Variants in RGS6 observed in about 807,000 individuals in gnomAD.
RGS6 encodes the protein regulator of G protein signaling 6.
A neutral mutation model predicts 78.5 loss-of-function variants in RGS6; 30 were observed. The ratio of observed to expected loss-of-function variants is 0.38; its 90% confidence interval spans 0.29 to 0.52. The LOEUF (loss-of-function observed/expected upper bound fraction) is 0.52, where lower values mean the gene tolerates loss of function less well. RGS6 is among the 20% of genes least tolerant of loss of function. The pLI is 0.85. For missense variants in RGS6, 495 were observed against 609.7 expected (o/e 0.81, Z 1.98); for synonymous variants, 206 against 206.0 (o/e 1.00, Z 0.00).
At chr14:72,167,386 A>G (rs564342190) in intron 2 of RGS6, among the ~76,000 whole-genome samples, 6 of 152,194 alleles carry the variant, frequency 3.9e-5, no homozygotes, top group South Asian at 2.1e-4. Context: ...GTGACATCTC[A>G]TTATCTTTGT....
chr14:72,488,275 T>C (rs2096526005), intron 12 of RGS6, among the ~76,000 whole-genome samples: 1 of 152,252 alleles, frequency 6.6e-6, no homozygotes, highest in Non-Finnish European at 1.5e-5. Flanking sequence ...CGTGTTCCTC[T>C]ATAGCATGTC....
intron 5 of RGS6, 117 bp from the exon 6 acceptor site, chr14:72,459,515 G>A: frequency 3.4e-6 from 3 of 877,894 alleles, no homozygotes; most frequent in Admixed American, 2.0e-5. Context: ...TTGTGGGGTA[G>A]CATCAGCAAG....
At chr14:72,214,801 A>T (rs2045157024) in intron 2 of RGS6, among the ~76,000 whole-genome samples, 1 of 152,170 alleles carries the variant, frequency 6.6e-6, no homozygotes, top group Admixed American at 6.5e-5. Flanking sequence ...TCTTAAAAAA[A>T]CATGGGGAGT....
chr14:72,416,517 C>G (rs2093820547), intron 3 of RGS6, among the ~76,000 whole-genome samples: 1 of 152,108 alleles, frequency 6.6e-6, no homozygotes, highest in Non-Finnish European at 1.5e-5. Flanking sequence ...AAAACTAAAA[C>G]TATAAAGTGA....
intron 2 of RGS6, among the ~76,000 whole-genome samples, chr14:72,232,712 T>C (rs932786051): frequency 1.3e-5 from 2 of 152,102 alleles, no homozygotes; most frequent in Non-Finnish European, 2.9e-5. Context: ...GGGGACCTTA[T>C]TGACCATGGG....
chr14:72,576,043 C>A, the RGS6 span, among the ~76,000 whole-genome samples: 6 of 152,220 alleles, frequency 3.9e-5, 1 homozygote, highest in South Asian at 1.2e-3. Context: ...TCTGAGGCTG[C>A]AGCCATTTGG....
At chr14:72,408,287 T>C (rs1242823989) in intron 3 of RGS6, among the ~76,000 whole-genome samples, 1 of 152,202 alleles carries the variant, frequency 6.6e-6, no homozygotes, top group Non-Finnish European at 1.5e-5. Flanking sequence ...CAAATTCTAC[T>C]AGTTTTTCCA....
intron 2 of RGS6, among the ~76,000 whole-genome samples, chr14:72,099,016 A>T (rs757723189): frequency 5.9e-5 from 9 of 152,182 alleles, no homozygotes; most frequent in Non-Finnish European, 1.3e-4. Flanking sequence ...TGGCTTTTTC[A>T]TGATTTGATT....
chr14:72,034,043 T>C (rs2091318189), intron 2 of RGS6, among the ~76,000 whole-genome samples: 2 of 152,208 alleles, frequency 1.3e-5, no homozygotes, highest in Admixed American at 6.5e-5. Flanking sequence ...TCGTTAGCCA[T>C]TTATAGTATA....
chr14:72,484,537 T>TG (rs1430956608), intron 12 of RGS6, among the ~76,000 whole-genome samples: 1 of 152,180 alleles, frequency 6.6e-6, no homozygotes, highest in African/African-American at 2.4e-5. Context: ...GGTTTTTTTT[T>TG]GGTGGGGGGC....
At chr14:72,596,735 A>C in the RGS6 span, among the ~76,000 whole-genome samples, 18 of 152,346 alleles carry the variant, frequency 1.2e-4, 1 homozygote, top group African/African-American at 4.1e-4. Context: ...CACTCTGATA[A>C]GCACTCATCG....
Position 72,352,192 on chromosome 14 carries a change from C to T in RGS6, c.182C>T (p.Thr61Ile). The change falls in exon 3 of 18, where the codon ACA (threonine) becomes ATA (isoleucine). Residue 61 changes from threonine (T) to isoleucine (I), a missense_variant and splice_region_variant. Transcript: ENST00000553525. The stretch of plus-strand genomic sequence containing the variant: ...CTCTCCAAAATCCCCAGTGTCGTCA[C>T]AGGTAACACCCTCCTTGCAAGGTGT... ...SFLSKIPSVV[T>I]GTDIVQWLMK... is the part of the protein sequence containing the mutation. 8.7e-6 allele frequency: 14 copies of T among 1,611,198 alleles called. No individual in the cohort carries two copies. Among genetic ancestry groups the T allele is most frequent in the Non-Finnish European group, 1.1e-5 (13 of 1,177,836 alleles).
chr14:72,366,785 C>T (rs924932023), intron 3 of RGS6, among the ~76,000 whole-genome samples: 5 of 152,158 alleles, frequency 3.3e-5, no homozygotes, highest in South Asian at 2.1e-4. Flanking sequence ...CTATCCACGC[C>T]CCACCTGCCC....
chr14:72,453,654 C>A (rs1392140608), intron 3 of RGS6, among the ~76,000 whole-genome samples: 5 of 144,718 alleles, frequency 3.5e-5, no homozygotes, highest in Non-Finnish European at 6.0e-5. Context: ...CCTTCAGACT[C>A]TTAAGATTTA....
intron 17 of RGS6, chr14:72,550,821 GT>G (rs758860266): frequency 2.1e-4 from 102 of 496,382 alleles, no homozygotes; most frequent in Non-Finnish European, 3.1e-4. Flanking sequence ...GCTTTTTGTT[GT>G]TGTTTTGGTT....
intron 2 of RGS6, among the ~76,000 whole-genome samples, chr14:72,179,937 C>A (rs1001318417): frequency 1.4e-4 from 22 of 152,272 alleles, no homozygotes; most frequent in Admixed American, 4.6e-4. Flanking sequence ...GTTTAAGGAT[C>A]ACAACAAATC....
intron 3 of RGS6, among the ~76,000 whole-genome samples, chr14:72,380,099 A>C (rs1034556893): frequency 6.6e-6 from 1 of 151,920 alleles, no homozygotes; most frequent in Non-Finnish European, 1.5e-5. Flanking sequence ...AATGGTCCCC[A>C]AAAAATCAGA....
chr14:71,996,896 A>G (rs972380099), intron 2 of RGS6, among the ~76,000 whole-genome samples: 4 of 152,170 alleles, frequency 2.6e-5, no homozygotes, highest in Non-Finnish European at 5.9e-5. Flanking sequence ...GTTAGCTTGT[A>G]TGGTGGGTGG....
chr14:71,941,339 T>C (rs969163800), intron 1 of RGS6, among the ~76,000 whole-genome samples: 7 of 152,154 alleles, frequency 4.6e-5, no homozygotes, highest in African/African-American at 1.4e-4. Flanking sequence ...CTTAGCATTT[T>C]TGGGTCTAAT....
Sources: allele counts gnomAD v4.1 joint callset (sites outside exome capture counted in the v4.1 genomes callset), GRCh38; gene constraint gnomAD v4.1.1; transcripts MANE v1.5; gene names NCBI Gene and HGNC (gene_info 2026-07-23, HGNC 2026-07-21).